Variants in DSCAM observed in about 807,000 individuals in gnomAD.
DSCAM encodes the protein cell adhesion molecule DSCAM.
A neutral mutation model predicts 217.7 loss-of-function variants in DSCAM; 47 were observed. The observed-to-expected ratio is 0.22, with a 90% CI of 0.17 to 0.28. DSCAM has a LOEUF of 0.28. Among genes scored for constraint, DSCAM ranks in the 10% least tolerant of loss-of-function variants. The pLI is 1.00. For synonymous variants in DSCAM, 1,056 were observed against 1,015.3 expected, an observed-to-expected ratio of 1.04 and a Z score of -0.76; for missense variants, 2,080 against 2,618.3, an observed-to-expected ratio of 0.79 and a Z score of 4.49.
chr21:40,131,532 T>G (rs767913104), intron 19 of DSCAM, among the ~76,000 whole-genome samples: 1 of 152,180 alleles, frequency 6.6e-6, no homozygotes, highest in South Asian at 2.1e-4. Flanking sequence ...TTCAAGTGAT[T>G]CTCCTGCCTC....
intron 3 of DSCAM, among the ~76,000 whole-genome samples, chr21:40,407,947 A>C (rs2075292494): frequency 6.6e-6 from 1 of 152,230 alleles, no homozygotes; most frequent in South Asian, 2.1e-4. Context: ...GAATATCTTG[A>C]TGGTTCCTTA....
chr21:40,282,153 A>C (rs1212495815), intron 10 of DSCAM, among the ~76,000 whole-genome samples: 2 of 152,226 alleles, frequency 1.3e-5, no homozygotes, highest in Non-Finnish European at 2.9e-5. Context: ...TTAAGTGCTT[A>C]AATTTGTAAC....
intron 8 of DSCAM, among the ~76,000 whole-genome samples, chr21:40,331,394 G>A (rs2074376715): frequency 6.6e-6 from 1 of 152,128 alleles, no homozygotes; most frequent in South Asian, 2.1e-4. Flanking sequence ...GGCATCCCCG[G>A]CCGCTCACCT....
At chr21:40,086,475 C>T (rs1233085918) in intron 22 of DSCAM, among the ~76,000 whole-genome samples, 2 of 152,196 alleles carry the variant, frequency 1.3e-5, no homozygotes, top group Non-Finnish European at 1.5e-5. Context: ...GCCATTATTT[C>T]TACAGTTTAT....
intron 11 of DSCAM, among the ~76,000 whole-genome samples, chr21:40,201,297 A>G (rs1027966883): frequency 2.0e-5 from 3 of 152,318 alleles, no homozygotes; most frequent in African/African-American, 7.2e-5. Flanking sequence ...ATTTTTTAAG[A>G]CAAGTATGAA....
At chr21:40,108,818 C>A (rs926869213) in intron 20 of DSCAM, among the ~76,000 whole-genome samples, 1 of 152,116 alleles carries the variant, frequency 6.6e-6, no homozygotes, top group South Asian at 2.1e-4. Context: ...ACCAATGGAA[C>A]AGAATAAAGA....
intron 3 of DSCAM, among the ~76,000 whole-genome samples, chr21:40,667,599 G>A (rs570644747): frequency 1.3e-5 from 2 of 152,224 alleles, no homozygotes; most frequent in South Asian, 4.1e-4. Flanking sequence ...ACATGTTGTG[G>A]GAGGAGCCAG....
intron 21 of DSCAM, among the ~76,000 whole-genome samples, chr21:40,090,788 G>C (rs2089598737): frequency 6.6e-6 from 1 of 152,172 alleles, no homozygotes; most frequent in Non-Finnish European, 1.5e-5. Flanking sequence ...GATGTCTCTT[G>C]AGAGCCAGGA....
chr21:40,466,358 T>C (rs532411459), intron 3 of DSCAM, among the ~76,000 whole-genome samples: 9 of 152,146 alleles, frequency 5.9e-5, no homozygotes, highest in Non-Finnish European at 1.2e-4. Context: ...TCCTACCTGA[T>C]GGTTGATTGT....
rs538317141 is a variant in DSCAM, at chr21:40,392,508, G to A, written c.509-23263C>T. ...TTCCTAAGAAACTAACCAACACGAC[G>A]TAGAAAGTAATAATCACATGAATTT... On this transcript the variant is annotated intron_variant, in intron 3 of 32. Transcript: ENST00000400454. Among the ~76,000 whole-genome samples the A allele has an allele frequency of 7.9e-5, 12 of 152,246 alleles. No homozygotes were observed. In the South Asian group the frequency reaches 1.4e-3, roughly 18 times the overall value.
chr21:40,691,052 A>G (rs1043663332), intron 3 of DSCAM, among the ~76,000 whole-genome samples: 2 of 152,230 alleles, frequency 1.3e-5, no homozygotes, highest in Non-Finnish European at 2.9e-5. Context: ...TACCTGTGTA[A>G]AAAACCTGCA....
chr21:40,710,373 T>C (rs551968237), intron 1 of DSCAM, among the ~76,000 whole-genome samples: 1 of 152,244 alleles, frequency 6.6e-6, no homozygotes, highest in Non-Finnish European at 1.5e-5. Context: ...ACATTTCCCT[T>C]GTGGTCCACC....
At chr21:40,732,854 A>G (rs139872634) in intron 1 of DSCAM, among the ~76,000 whole-genome samples, 3 of 152,354 alleles carry the variant, frequency 2.0e-5, no homozygotes, top group Non-Finnish European at 2.9e-5. Flanking sequence ...CACCACGGAT[A>G]TGATGATCAC....
chr21:40,136,444 G>A (rs1056483778), intron 18 of DSCAM, among the ~76,000 whole-genome samples: 5 of 152,158 alleles, frequency 3.3e-5, no homozygotes, highest in African/African-American at 1.2e-4. Flanking sequence ...TTGTGCCACT[G>A]CACTCCAGCC....
intron 3 of DSCAM, among the ~76,000 whole-genome samples, chr21:40,600,941 A>G (rs917484379): frequency 2.0e-5 from 3 of 152,194 alleles, no homozygotes; most frequent in Non-Finnish European, 2.9e-5. Flanking sequence ...AGTGATTACC[A>G]AAAGTCTTGA....
intron 6 of DSCAM, among the ~76,000 whole-genome samples, chr21:40,344,605 C>T (rs2074538039): frequency 6.6e-6 from 1 of 152,168 alleles, no homozygotes; most frequent in African/African-American, 2.4e-5. Context: ...TCCATTGTCT[C>T]CTGTCCTCCA....
intron 3 of DSCAM, among the ~76,000 whole-genome samples, chr21:40,376,895 C>G (rs940555633): frequency 4.6e-5 from 7 of 151,902 alleles, no homozygotes; most frequent in African/African-American, 1.2e-4. Context: ...TGAATTTCCC[C>G]CTTCCTCAAA....
chr21:40,137,938 TTA>T (rs1259073864), intron 18 of DSCAM, among the ~76,000 whole-genome samples: 2 of 152,126 alleles, frequency 1.3e-5, no homozygotes, highest in Non-Finnish European at 2.9e-5. Context: ...GAGATGGAAG[TTA>T]GCAAAAATTC....
rs142581903 is a variant in DSCAM at position 40,333,904 on chromosome 21, A to C, written c.1783+4197T>G. Among the ~76,000 whole-genome samples, 255 of 152,286 alleles carry C rather than the reference A, an allele frequency of 1.7e-3. 5 individuals carry two copies. The highest frequency in any genetic ancestry group is 5.9e-3 in the African/African-American group (246 of 41,564). On this transcript the variant is annotated intron_variant, in intron 8 of 32. Transcript: ENST00000400454. ...AGTGAGCCTCTGCACCTGGCTGCTT[A>C]AGCAAAGGTAATTTGGGTTCTCGCA...
Sources: gnomAD v4.1 joint callset for allele counts (sites outside exome capture counted in the v4.1 genomes callset) on GRCh38, gnomAD v4.1.1 for gene constraint, MANE v1.5 for transcripts, NCBI Gene and HGNC (gene_info 2026-07-23, HGNC 2026-07-21) for gene names.